The following SPATA22 variants were observed in gnomAD, a reference collection of about 807,000 sequenced individuals.
The protein encoded by SPATA22 is spermatogenesis associated 22.
A neutral mutation model predicts 47.8 loss-of-function variants in SPATA22; 29 were observed. That is an observed-to-expected ratio of 0.61 (90% CI 0.45 to 0.83). The LOEUF (loss-of-function observed/expected upper bound fraction) is 0.83. Among genes scored for constraint, SPATA22 ranks in the 40% least tolerant of loss-of-function variants. The pLI is 0.00. For synonymous variants in SPATA22, 133 were observed against 140.9 expected (o/e 0.94, Z 0.40); for missense variants, 410 against 421.7 (o/e 0.97, Z 0.24).
intron 1 of SPATA22, among the ~76,000 whole-genome samples, chr17:3,494,058 CAGAG>C (rs2073870129): frequency 7.0e-6 from 1 of 143,510 alleles, no homozygotes; most frequent in African/African-American, 2.6e-5. Flanking sequence ...TTTTTTGAGA[CAGAG>C]TTTCACTCTT....
In SPATA22 at chr17:3,449,057, T is replaced by C. The variant is rs200080475; in HGVS notation, c.422A>G (p.Asp141Gly). Residue 141 changes from aspartate (D) to glycine (G), a missense_variant, in exon 6 of 9, where the codon GAT becomes GGT. Coordinates refer to ENST00000572969, the MANE Select transcript of SPATA22 (RefSeq NM_001170698.2). ...QCKRTNLVAN[D>G]GKNSCPVSSG... ...ACTCACTGGACAAGAATTTTTTCCA[T>C]CATTTGCCACTAAGTTTGTTCGTTT... 98 of 1,613,876 alleles carry C rather than the reference T, an allele frequency of 6.1e-5. No individual in the cohort carries two copies. The highest frequency in any genetic ancestry group is 1.6e-4 in the Middle Eastern group (1 of 6,080).
chr17:3,497,237 T>C (rs2073924136), intron 1 of SPATA22, among the ~76,000 whole-genome samples: 2 of 152,144 alleles, frequency 1.3e-5, no homozygotes, highest in Non-Finnish European at 2.9e-5. Context: ...GCCAGACGTG[T>C]GTTGAAGAGG....
intron 5 of SPATA22, among the ~76,000 whole-genome samples, chr17:3,450,762 G>C (rs1027373752): frequency 6.9e-6 from 1 of 145,256 alleles, no homozygotes; most frequent in African/African-American, 2.5e-5. Context: ...TCTCTGTTCA[G>C]CACATTTGTA....
intron 7 of SPATA22, among the ~76,000 whole-genome samples, chr17:3,445,292 C>T (rs973309628): frequency 6.6e-6 from 1 of 152,000 alleles, no homozygotes; most frequent in Non-Finnish European, 1.5e-5. Flanking sequence ...AAGAACTGAA[C>T]AAAATAAGAG....
At chr17:3,480,851 T>C (rs2073615031) in intron 1 of SPATA22, among the ~76,000 whole-genome samples, 1 of 152,114 alleles carries the variant, frequency 6.6e-6, no homozygotes, top group Non-Finnish European at 1.5e-5. Context: ...CAAGATGGAG[T>C]CAGGTTAGAT....
At position 3,503,028 on chromosome 17, in the gene SPATA22, A is replaced by C. The variant is rs560368359; in HGVS notation, c.-74+10384T>G. On this transcript the variant is annotated intron_variant, in intron 1 of 8. Coordinates refer to the SPATA22 transcript ENST00000541913. ...CTTGCCTCCCATGATTCTTCTCCTC[A>C]AAGGACCTTCTGCTGGACGCCGCCC... The C allele has an allele frequency of 7.2e-5, 11 of 152,304 alleles. No homozygotes were observed. The East Asian group carries it at 2.1e-3, about 29-fold the overall frequency. 9.4% of individuals were successfully genotyped at this position (152,304 alleles called of 1,614,324 possible).
upstream of SPATA22, chr17:3,475,402 T>C (rs1316499104): frequency 1.3e-5 from 2 of 152,396 alleles, no homozygotes. Flanking sequence ...ACAGTTGTCT[T>C]TCCTTTGGTA....
rs78677072 is a variant in SPATA22 at position 3,498,977 on chromosome 17, C to T, written c.-74+14435G>A. On this transcript the variant is annotated intron_variant, in intron 1 of 8. Coordinates refer to the SPATA22 transcript ENST00000541913. ...CGATCCCACTGGGCGGAGACTGTAC[C>T]GTGTACCCCGTGTTTGTGAATGAGG... The T allele has an allele frequency of 1.7e-3, 2,780 of 1,614,090 alleles. 59 individuals carry two copies. The Admixed American group carries it at 0.038, about 22-fold the overall frequency.
chr17:3,470,025 C>T (rs1294399390), intron 1 of SPATA22, among the ~76,000 whole-genome samples: 1 of 131,210 alleles, frequency 7.6e-6, no homozygotes, highest in Non-Finnish European at 1.5e-5. Flanking sequence ...CCCGAGAGGC[C>T]GAGGTTGCAG....
intron 5 of SPATA22, among the ~76,000 whole-genome samples, chr17:3,458,334 C>T (rs1346955604): frequency 6.6e-6 from 1 of 151,220 alleles, no homozygotes; most frequent in African/African-American, 2.4e-5. Flanking sequence ...CAAGTGTTGG[C>T]GAGGGTGCAG....
chr17:3,452,034 G>C lies in SPATA22; in HGVS notation c.330-2885C>G, dbSNP rs72823912. ...CCCTCTTGAACAATCATTGATCAAA[G>C]AGGGAATTAAAAAAGAAAATCTTAA... is the stretch of plus-strand genomic sequence containing the variant. On this transcript the variant is annotated intron_variant, in intron 5 of 8. Coordinates refer to ENST00000572969, the MANE Select transcript of SPATA22 (RefSeq NM_001170698.2). 9.1e-3 allele frequency among the ~76,000 whole-genome samples: 1,369 copies of C among 150,708 alleles called. 12 individuals carry two copies. Among genetic ancestry groups the C allele is most frequent in the Non-Finnish European group, 0.016 (1,070 of 67,674 alleles).
intron 7 of SPATA22, among the ~76,000 whole-genome samples, chr17:3,445,362 A>C (rs1431804304): frequency 6.6e-6 from 1 of 152,152 alleles, no homozygotes; most frequent in African/African-American, 2.4e-5. Context: ...GATATGCTTC[A>C]AGCAACATGA....
In SPATA22 at chr17:3,464,767, G is replaced by C. The variant is rs577073846; in HGVS notation, c.173-2000C>G. On this transcript the variant is annotated intron_variant, in intron 3 of 8. Coordinates refer to ENST00000572969, the MANE Select transcript of SPATA22 (RefSeq NM_001170698.2). Reference sequence around the variant, plus strand: ...GGCAACCGCCCCGTCTGAGAAGTGAGGAGCCCCTCCGCCCGGCAGCCGCCC... The same window carrying C: ...GGCAACCGCCCCGTCTGAGAAGTGACGAGCCCCTCCGCCCGGCAGCCGCCC... Among the ~76,000 whole-genome samples, 17 of 137,966 alleles carry C rather than the reference G, an allele frequency of 1.2e-4. 1 individual carries two copies. In the East Asian group the frequency reaches 3.7e-3, roughly 30 times the overall value. 90.5% of individuals were successfully genotyped at this position (137,966 alleles called of 152,430 possible). A position where few individuals can be genotyped will look rare whatever the true frequency, so the allele number is the denominator to read the frequency against.
intron 5 of SPATA22, among the ~76,000 whole-genome samples, chr17:3,452,084 T>A (rs1311387167): frequency 2.0e-5 from 3 of 149,766 alleles, no homozygotes; most frequent in Non-Finnish European, 4.5e-5. Flanking sequence ...AAACAAAACA[T>A]AACATACCAA....
chr17:3,445,055 A>T (rs1392022744), intron 7 of SPATA22, among the ~76,000 whole-genome samples: 3 of 152,140 alleles, frequency 2.0e-5, no homozygotes, highest in Admixed American at 2.0e-4. Flanking sequence ...AATGAATGGA[A>T]TCAGCATGTC....
At chr17:3,448,685 C>A in intron 6 of SPATA22, 122 bp downstream of exon 6, 3 of 694,780 alleles carry the variant, frequency 4.3e-6, no homozygotes, top group East Asian at 5.7e-5. Flanking sequence ...AATATTTATG[C>A]TAATCAAGTA....
intron 1 of SPATA22, among the ~76,000 whole-genome samples, chr17:3,480,483 C>G (rs1004756330): frequency 6.6e-6 from 1 of 152,140 alleles, no homozygotes; most frequent in Admixed American, 6.5e-5. Context: ...GTGGGGACCA[C>G]GAGACCAGAT....
intron 1 of SPATA22, among the ~76,000 whole-genome samples, chr17:3,471,219 A>G (rs191942654): frequency 1.0e-3 from 154 of 152,236 alleles, no homozygotes; most frequent in African/African-American, 3.6e-3. Flanking sequence ...AAAGGAAAGG[A>G]AAGGAAAATA....
intron 1 of SPATA22, chr17:3,481,522 T>C (rs2073626266): frequency 7.3e-7 from 1 of 1,363,996 alleles, no homozygotes; most frequent in Admixed American, 2.1e-5. Context: ...CGACTGGTTC[T>C]TTTTACACTG....
Sources: allele counts gnomAD v4.1 joint callset (sites outside exome capture counted in the v4.1 genomes callset), GRCh38; gene constraint gnomAD v4.1.1; transcripts MANE v1.5; gene names NCBI Gene and HGNC (gene_info 2026-07-23, HGNC 2026-07-21).